WNK1: variants seen among roughly 807,000 people sequenced by gnomAD.
WNK1 encodes the protein serine/threonine-protein kinase WNK1.
Under a neutral mutation model 222.8 loss-of-function variants are expected in WNK1, and 38 were observed. The observed-to-expected ratio is 0.17, with a 90% confidence interval of 0.13 to 0.22. The LOEUF (loss-of-function observed/expected upper bound fraction) is 0.22, where lower values mean the gene tolerates loss of function less well. Among genes scored for constraint, WNK1 ranks in the 10% least tolerant of loss-of-function variants. The pLI, the probability that WNK1 is intolerant of heterozygous loss-of-function variation, is 1.00. For synonymous variants in WNK1, 1,090 were observed against 1,092.9 expected, an observed-to-expected ratio of 1.00 and a Z score of 0.05; for missense variants, 2,348 against 2,918.4, an observed-to-expected ratio of 0.80 and a Z score of 4.50.
rs1282753300 is a variant in WNK1, at chr12:886,068, C to T, written c.5264C>T (p.Pro1755Leu). Reference protein sequence around the residue: ...VKPGTAPSKPPLTKAPVLPVG... With the variant: ...VKPGTAPSKPLLTKAPVLPVG... ...CCTGGAACTGCTCCCTCCAAGCCAC[C>T]TCTAACTAAGGCTCCGGTAAAATTA... The change falls in exon 19 of 28, where the codon CCT becomes CTT. Residue 1755 changes from proline (P) to leucine (L), a missense_variant. Physicochemically the swap from Pro to Leu is moderately conservative, Grantham distance 98. Around this residue, in one of 13 missense-constraint regions of WNK1, gnomAD observed 1,144 missense variants for 1,273.6 expected, o/e 0.90. Coordinates refer to ENST00000315939, the MANE Select transcript of WNK1 (RefSeq NM_018979.4). The T allele has an allele frequency of 6.2e-7, 1 of 1,606,370 alleles. No individual in the cohort carries two copies.
chr12:782,008 G>A (rs1196567094), intron 1 of WNK1, among the ~76,000 whole-genome samples: 1 of 152,078 alleles, frequency 6.6e-6, no homozygotes, highest in South Asian at 2.1e-4. Flanking sequence ...TAACTTCTAA[G>A]GCTTTTTCTT....
In WNK1 at chr12:884,220, T is replaced by C. The variant is rs1953444570; in HGVS notation, c.3821T>C (p.Phe1274Ser). 1 of 1,614,132 alleles carries C rather than the reference T, an allele frequency of 6.2e-7. No individual in the cohort carries two copies. The highest frequency in any genetic ancestry group is 1.3e-5 in the African/African-American group (1 of 75,048). ...AGCCGATTACGAGAATCAAAAGTTT[T>C]CCCCAGTGAAATAACAGATACAGGT... ...PESRLRESKV[F>S]PSEITDTVAA... The change falls in exon 18 of 28, where the codon TTC (phenylalanine) becomes TCC (serine). Residue 1274 changes from phenylalanine (F) to serine (S), a missense_variant. Coordinates refer to ENST00000315939, the MANE Select transcript of WNK1 (RefSeq NM_018979.4). This position sits in a 1 kb window ranked among gnomAD's most constrained non-coding sequence, Gnocchi z 5.6.
At chr12:795,296 G>GTTTTTTTTT (rs35447912) in intron 1 of WNK1, among the ~76,000 whole-genome samples, 4 of 133,022 alleles carry the variant, frequency 3.0e-5, no homozygotes, top group Non-Finnish European at 3.2e-5. Context: ...ATTTTCCGTT[G>GTTTTTTTTT]TTTTTTTTTT....
intron 7 of WNK1, 36 bp downstream of exon 7, chr12:861,379 A>G (rs1951206492): frequency 6.2e-7 from 1 of 1,604,668 alleles, no homozygotes; most frequent in South Asian, 1.1e-5. Context: ...TAGGCTAATG[A>G]TTCTCCTAAT....
intron 1 of WNK1, among the ~76,000 whole-genome samples, chr12:767,661 T>C (rs1252825340): frequency 8.5e-5 from 13 of 152,292 alleles, no homozygotes. Context: ...TGCCTTACTC[T>C]GTGTGGGTTC....
intron 1 of WNK1, among the ~76,000 whole-genome samples, chr12:759,281 A>G (rs994383148): frequency 6.8e-5 from 10 of 147,438 alleles, no homozygotes; most frequent in African/African-American, 2.4e-4. Context: ...TCTTTAAATT[A>G]TATTGATAAT....
At chr12:766,809 C>G (rs545450840) in intron 1 of WNK1, among the ~76,000 whole-genome samples, 2 of 151,550 alleles carry the variant, frequency 1.3e-5, no homozygotes, top group East Asian at 3.9e-4. Context: ...TGGAGTCTTG[C>G]TCTGTCGCCC....
chr12:869,667 T>A (rs1951973842), intron 8 of WNK1, among the ~76,000 whole-genome samples: 1 of 152,126 alleles, frequency 6.6e-6, no homozygotes, highest in East Asian at 1.9e-4. Context: ...GTTTAGGAAT[T>A]TGCCTTAACA....
At chr12:784,604 A>G (rs1264575673) in intron 1 of WNK1, among the ~76,000 whole-genome samples, 2 of 152,174 alleles carry the variant, frequency 1.3e-5, no homozygotes, top group African/African-American at 4.8e-5. Context: ...CATCCATGAA[A>G]CCATCACCAC....
At chr12:857,670 C>T (rs1486175918) in intron 5 of WNK1, among the ~76,000 whole-genome samples, 1 of 152,140 alleles carries the variant, frequency 6.6e-6, no homozygotes, top group Non-Finnish European at 1.5e-5. Context: ...GCCGTCCTTA[C>T]GCCAGAATTG....
intron 1 of WNK1, among the ~76,000 whole-genome samples, chr12:780,833 C>T (rs191511782): frequency 2.6e-5 from 4 of 152,236 alleles, no homozygotes; most frequent in Admixed American, 6.5e-5. Flanking sequence ...CAGCTTTAGG[C>T]CCATGCCTTA....
chr12:891,607 T>TC (rs1280881210), intron 22 of WNK1, among the ~76,000 whole-genome samples: 2 of 151,044 alleles, frequency 1.3e-5, no homozygotes, highest in East Asian at 3.8e-4. Flanking sequence ...TTTTTCTTTT[T>TC]TTTTTTTTTT....
In WNK1 at chr12:896,212, C is replaced by T. The variant is rs768535371; in HGVS notation, c.5725C>T (p.Pro1909Ser). ...AGAGAGTACCTTGGTGAAACCAGAG[C>T]CGAATGGCATAACCATCCCTGGTAT... ...SPESTLVKPE[P>S]NGITIPGISS... is the part of the protein sequence containing the mutation. The change falls in exon 24 of 28, where the codon CCG (proline) becomes TCG (serine). Residue 1909 changes from proline (P) to serine (S), a missense_variant. Around this residue, in one of 13 missense-constraint regions of WNK1, gnomAD observed 1,144 missense variants for 1,273.6 expected, o/e 0.90. Transcript: ENST00000315939. 1 of 1,614,086 alleles carries T rather than the reference C, an allele frequency of 6.2e-7. No individual in the cohort carries two copies. Among genetic ancestry groups the T allele is most frequent in the South Asian group, 1.1e-5 (1 of 91,088 alleles).
At chr12:871,686 A>G (rs1952165522) in intron 9 of WNK1, among the ~76,000 whole-genome samples, 1 of 151,292 alleles carries the variant, frequency 6.6e-6, no homozygotes, top group Admixed American at 6.6e-5. Flanking sequence ...CACTGCAACC[A>G]CCGCCTCCCA....
In WNK1 at chr12:900,571, T is replaced by C; in HGVS notation, c.6544T>C (p.Leu2182=). The change falls in exon 26 of 28, where the codon TTA becomes CTA. Residue 2182 remains leucine, a synonymous_variant. Coordinates refer to ENST00000315939, the MANE Select transcript of WNK1 (RefSeq NM_018979.4). The part of the protein sequence containing the change: ...NIPESGQNQL[L]QPLKPSPSSD... Reference sequence around the variant, plus strand: ...CCCAGAGTCCGGGCAGAATCAGCTGTTACAGCCCCTTAAGCCATCTCCCTC... The same window carrying C: ...CCCAGAGTCCGGGCAGAATCAGCTGCTACAGCCCCTTAAGCCATCTCCCTC... The C allele has an allele frequency of 6.2e-7, 1 of 1,614,200 alleles. No individual in the cohort carries two copies. Among genetic ancestry groups the C allele is most frequent in the Non-Finnish European group, 8.5e-7 (1 of 1,180,040 alleles).
At chr12:869,810 G>A (rs1049313446) in intron 8 of WNK1, among the ~76,000 whole-genome samples, 2 of 151,496 alleles carry the variant, frequency 1.3e-5, no homozygotes, top group African/African-American at 4.8e-5. Flanking sequence ...AGTGAGTGGT[G>A]GGCTTTTTTT....
chr12:756,580 T>C (rs1041597262), intron 1 of WNK1, among the ~76,000 whole-genome samples: 6 of 152,246 alleles, frequency 3.9e-5, no homozygotes, highest in Non-Finnish European at 7.3e-5. Context: ...TTGTCTGTGC[T>C]TCTGTAATTT....
intron 4 of WNK1, chr12:851,695 G>A (rs766916349): frequency 1.5e-5 from 20 of 1,330,868 alleles, no homozygotes; most frequent in Non-Finnish European, 2.0e-5. Flanking sequence ...CTTTTCTGAT[G>A]GATATTAAAA....
At chr12:758,688 T>A (rs1234452752) in intron 1 of WNK1, among the ~76,000 whole-genome samples, 1 of 147,540 alleles carries the variant, frequency 6.8e-6, no homozygotes, top group Non-Finnish European at 1.5e-5. Context: ...TCTTTTAAAT[T>A]TGTGCCACAT....
Sources: allele counts gnomAD v4.1 joint callset (sites outside exome capture counted in the v4.1 genomes callset), GRCh38; gene constraint gnomAD v4.1.1; regional missense constraint gnomAD v4.1.1; non-coding constraint Gnocchi (gnomAD v3.1); transcripts MANE v1.5; gene names NCBI Gene and HGNC (gene_info 2026-07-23, HGNC 2026-07-21).